NECTIN1: variants seen among roughly 807,000 people sequenced by gnomAD.
NECTIN1 encodes the protein nectin cell adhesion molecule 1.
Under a neutral mutation model 48.0 loss-of-function variants are expected in NECTIN1, and 23 were observed. The observed-to-expected ratio is 0.48, with a 90% CI of 0.34 to 0.68. NECTIN1 has a LOEUF of 0.68. Among genes scored for constraint, NECTIN1 ranks in the 30% least tolerant of loss-of-function variants. The pLI is 0.01. For synonymous variants in NECTIN1, 270 were observed against 288.9 expected (o/e 0.93, Z 0.66); for missense variants, 591 against 709.9 (o/e 0.83, Z 1.90).
intron 5 of NECTIN1, among the ~76,000 whole-genome samples, chr11:119,648,718 G>A (rs917442523): frequency 3.3e-5 from 5 of 152,036 alleles, no homozygotes; most frequent in Admixed American, 6.5e-5. Context: ...GGAGGGCTGT[G>A]GGAGTGTCTG....
Position 119,677,878 on chromosome 11 carries a change from T to C in NECTIN1, c.431-21A>G, listed in dbSNP as rs373271499. 6.8e-6 allele frequency: 11 copies of C among 1,611,062 alleles called. No homozygotes were observed. The highest frequency in any genetic ancestry group is 8.5e-6 in the Non-Finnish European group (10 of 1,178,054). Reference sequence around the variant, plus strand: ...TTTGGCTGCGAGGAAGCAGAGAGAGTGATGGGACTAGCCCTGTTGACTTGT... The same window carrying C: ...TTTGGCTGCGAGGAAGCAGAGAGAGCGATGGGACTAGCCCTGTTGACTTGT... On this transcript the variant is annotated intron_variant, in intron 2 of 5. Transcript: ENST00000264025. This position sits in a 1 kb window ranked among gnomAD's most constrained non-coding sequence, Gnocchi z 5.4.
chr11:119,675,235 G>A lies in NECTIN1; in HGVS notation c.927C>T (p.Ser309=). 1.2e-6 allele frequency: 2 copies of A among 1,614,168 alleles called. No homozygotes were observed. The highest frequency in any genetic ancestry group is 4.5e-5 in the East Asian group (2 of 44,866). ...TLFFKGPINY[S]LAGTYICEAT... ...CCTCACAGATGTAGGTCCCTGCCAG[G>A]CTGTAGTTGATGGGTCCCTTGAAGA... The change falls in exon 5 of 6, where the codon AGC becomes AGT. Residue 309 remains serine (S), a synonymous_variant. Coordinates refer to ENST00000264025, the MANE Select transcript of NECTIN1 (RefSeq NM_002855.5).
At position 119,727,847 on chromosome 11, in the gene NECTIN1, G is replaced by C. The variant is rs542771299; in HGVS notation, c.79+628C>G. Among the ~76,000 whole-genome samples, 27 of 152,330 alleles carry C rather than the reference G, an allele frequency of 1.8e-4. No homozygotes were observed. The East Asian group carries it at 5.2e-3, about 29-fold the overall frequency. On this transcript the variant is annotated intron_variant, in intron 1 of 5. Transcript: ENST00000264025. The surrounding 1 kb of genome is among the most constrained non-coding windows in gnomAD (Gnocchi z 4.1). ...GGAGCAGAGTTCCGAGGGGGAGCCC[G>C]GTCCCGCGCCAGGCCGGGAGGAGGC...
In NECTIN1 at chr11:119,684,105, A is replaced by G. The variant is rs1042513936; in HGVS notation, c.80-5340T>C. 6.6e-6 allele frequency among the ~76,000 whole-genome samples: 1 copy of G among 152,156 alleles called. No individual in the cohort carries two copies. Among genetic ancestry groups the G allele is most frequent in the East Asian group, 1.9e-4 (1 of 5,180 alleles). On this transcript the variant is annotated intron_variant, in intron 1 of 5. Coordinates refer to ENST00000264025, the MANE Select transcript of NECTIN1 (RefSeq NM_002855.5). This position sits in a 1 kb window ranked among gnomAD's most constrained non-coding sequence, Gnocchi z 5.2. ...CGGGGTGTGGCACACTTCGCTCCCC[A>G]CATACCCACTTAAAGCAGTTTCTCT... is the stretch of plus-strand genomic sequence containing the variant.
intron 1 of NECTIN1, among the ~76,000 whole-genome samples, chr11:119,691,320 G>GCC (rs1865247751): frequency 6.6e-6 from 1 of 152,210 alleles, no homozygotes; most frequent in African/African-American, 2.4e-5. Flanking sequence ...TCTAAACCCA[G>GCC]CCCCAGCTTG....
At position 119,674,479 on chromosome 11, in the gene NECTIN1, C is replaced by T. The variant is rs1278489024; in HGVS notation, c.1003+680G>A. On this transcript the variant is annotated intron_variant, in intron 5 of 5. Transcript: ENST00000264025. ...ACGTAGAATTCTGACAACAGCCCTT[C>T]AAGGTACATCATACTGTCCCCGTTT... The T allele has an allele frequency of 3.1e-6, 5 of 1,609,998 alleles. No individual in the cohort carries two copies. The African/African-American group carries it at 5.4e-5, about 17-fold the overall frequency.
In NECTIN1 at chr11:119,728,801, C is replaced by A. The variant is rs1865965511; in HGVS notation, c.-248G>T. ...GCAAGTTGCACGAGTCATGCCCCTT[C>A]GCCTCCTCCGCTCTCCTCCCGGCGC... On this transcript the variant is annotated 5_prime_UTR_variant, in exon 1 of 6. Coordinates refer to ENST00000264025, the MANE Select transcript of NECTIN1 (RefSeq NM_002855.5). 1.5e-5 allele frequency: 6 copies of A among 397,388 alleles called. No homozygotes were observed. In the East Asian group the frequency reaches 2.3e-4, roughly 15 times the overall value. 24.6% of individuals were successfully genotyped at this position (397,388 alleles called of 1,614,324 possible). A position where few individuals can be genotyped will look rare whatever the true frequency, so the allele number is the denominator to read the frequency against.
chr11:119,698,825 T>C (rs879572127), intron 1 of NECTIN1, among the ~76,000 whole-genome samples: 63 of 152,164 alleles, frequency 4.1e-4, no homozygotes, highest in Admixed American at 1.4e-3. Context: ...CCTAGGATCA[T>C]GGACAGGGCT....
intron 5 of NECTIN1, chr11:119,674,314 G>A: frequency 1.2e-5 from 16 of 1,328,900 alleles, no homozygotes; most frequent in Non-Finnish European, 1.5e-5. Flanking sequence ...ATGTGAAGTT[G>A]TGATGGCAGT....
intron 1 of NECTIN1, among the ~76,000 whole-genome samples, chr11:119,703,665 C>T (rs145799409): frequency 3.3e-5 from 5 of 152,322 alleles, no homozygotes; most frequent in Admixed American, 6.5e-5. Flanking sequence ...ACGAGGCTGA[C>T]GCTCTTTCAT....
chr11:119,678,532 T>C lies in NECTIN1; in HGVS notation c.313A>G (p.Thr105Ala). 10 of 1,614,004 alleles carry C rather than the reference T, an allele frequency of 6.2e-6. No individual in the cohort carries two copies. The highest frequency in any genetic ancestry group is 8.5e-6 in the Non-Finnish European group (10 of 1,180,004). Residue 105 changes from threonine (T) to alanine (A), a missense_variant, in exon 2 of 6, where the codon ACC becomes GCC. Thr to Ala is a moderately conservative substitution (Grantham distance 58, BLOSUM62 0). Coordinates refer to ENST00000264025, the MANE Select transcript of NECTIN1 (RefSeq NM_002855.5). This position sits in a 1 kb window ranked among gnomAD's most constrained non-coding sequence, Gnocchi z 4.4. The part of the protein sequence containing the change: ...ERVEFLRPSF[T>A]DGTIRLSRLE... ...CGGGAGAGGCGGATAGTGCCATCGG[T>C]GAAGGAGGGCCGCAGGAATTCCACA...
At chr11:119,711,350 A>C (rs969042665) in intron 1 of NECTIN1, among the ~76,000 whole-genome samples, 1 of 151,678 alleles carries the variant, frequency 6.6e-6, no homozygotes, top group Admixed American at 6.6e-5. Flanking sequence ...AGATCGTGCC[A>C]CCGCACTCCA....
chr11:119,674,770 AC>A, intron 5 of NECTIN1: 1 of 1,554,758 alleles, frequency 6.4e-7, no homozygotes, highest in Non-Finnish European at 8.9e-7. Flanking sequence ...GAGGTCCTTG[AC>A]CACAGGTGCA....
chr11:119,678,733 A>G lies in NECTIN1; in HGVS notation c.112T>C (p.Ser38Pro). 2.5e-6 allele frequency: 4 copies of G among 1,613,036 alleles called. No homozygotes were observed. The highest frequency in any genetic ancestry group is 3.4e-6 in the Non-Finnish European group (4 of 1,179,624). Reference sequence around the variant, plus strand: ...TCTGTGCCGATGAAGCCATACATGGAGTCGTTCACCTGGACCACCTGGGAG... The same window carrying G: ...TCTGTGCCGATGAAGCCATACATGGGGTCGTTCACCTGGACCACCTGGGAG... ...VHSQVVQVND[S>P]MYGFIGTDVV... Residue 38 changes from serine (S) to proline (P), a missense_variant, in exon 2 of 6, where the codon TCC becomes CCC. Transcript: ENST00000264025. This position sits in a 1 kb window ranked among gnomAD's most constrained non-coding sequence, Gnocchi z 4.4.
In NECTIN1 at chr11:119,661,251, A is replaced by T; in HGVS notation, c.*3496T>A. The T allele has an allele frequency of 1.0e-6, 1 of 985,824 alleles. No individual in the cohort carries two copies. The highest frequency in any genetic ancestry group is 1.2e-6 in the Non-Finnish European group (1 of 829,922). The allele number at this position is 985,824 out of a possible 1,614,324, so 61.1% of individuals were successfully genotyped here. ...TCATTTATACAAAAAAGGAAAACCA[A>T]TTTTTTCGACCAAGAATCCCATTCC... On this transcript the variant is annotated 3_prime_UTR_variant, in exon 6 of 6. Coordinates refer to ENST00000264025, the MANE Select transcript of NECTIN1 (RefSeq NM_002855.5).
intron 1 of NECTIN1, among the ~76,000 whole-genome samples, chr11:119,721,215 G>A (rs554908749): frequency 6.6e-5 from 10 of 152,350 alleles, no homozygotes; most frequent in African/African-American, 2.2e-4. Flanking sequence ...GGAGAAGGCC[G>A]GCTCCCCAGA....
At chr11:119,640,197 C>T (rs1246464642) in intron 5 of NECTIN1, 8 of 646,850 alleles carry the variant, frequency 1.2e-5, no homozygotes, top group Non-Finnish European at 2.2e-5. Flanking sequence ...GGAGGCTCCT[C>T]CTCTAGTTCC....
intron 1 of NECTIN1, among the ~76,000 whole-genome samples, chr11:119,682,949 G>T (rs1179696573): frequency 1.3e-5 from 2 of 152,166 alleles, no homozygotes; most frequent in African/African-American, 4.8e-5. Context: ...CCAATAACAT[G>T]TAACACTGAC....
At chr11:119,666,837 A>C (rs1864779078) in intron 5 of NECTIN1, among the ~76,000 whole-genome samples, 1 of 152,154 alleles carries the variant, frequency 6.6e-6, no homozygotes, top group African/African-American at 2.4e-5. Context: ...AGGCTGCAGC[A>C]GGGTGGAGAT....
Sources: allele counts gnomAD v4.1 joint callset (sites outside exome capture counted in the v4.1 genomes callset), GRCh38; gene constraint gnomAD v4.1.1; non-coding constraint Gnocchi (gnomAD v3.1); transcripts MANE v1.5; gene names NCBI Gene and HGNC (gene_info 2026-07-23, HGNC 2026-07-21).